The following EPHA5 variants were observed in gnomAD, a reference collection of about 807,000 sequenced individuals.
The protein encoded by EPHA5 is EPH receptor A5, also known as ephrin type-A receptor 5.
EPHA5 carries 60 observed loss-of-function variants against 105.0 expected under a neutral mutation model. The observed-to-expected ratio is 0.57, with a 90% confidence interval of 0.46 to 0.71. The LOEUF (loss-of-function observed/expected upper bound fraction) is 0.71, where lower values mean the gene tolerates loss of function less well. EPHA5 is among the 30% of genes least tolerant of loss of function. The pLI is 0.00. For synonymous variants in EPHA5, 513 were observed against 449.1 expected (o/e 1.14, Z -1.80); for missense variants, 1,218 against 1,274.7 (o/e 0.96, Z 0.68).
In EPHA5 at chr4:65,593,291, G is replaced by A. The variant is rs541225507; in HGVS notation, c.910+8350C>T. ...AGAAATATTTAACTAATGCACAATG[G>A]CTCTAAAAACATTGATACTGTACTA... On this transcript the variant is annotated intron_variant, in intron 3 of 16. Coordinates refer to ENST00000613740, the MANE Select transcript of EPHA5 (RefSeq NM_001281766.3). Among the ~76,000 whole-genome samples, 6 of 152,148 alleles carry A rather than the reference G, an allele frequency of 3.9e-5. No homozygotes were observed. The East Asian group carries it at 5.8e-4, about 15-fold the overall frequency.
chr4:65,533,967 G>T (rs1736063695), intron 3 of EPHA5, among the ~76,000 whole-genome samples: 1 of 151,336 alleles, frequency 6.6e-6, no homozygotes, highest in Non-Finnish European at 1.5e-5. Context: ...AAGAAAGAAA[G>T]AAAGAAAAGA....
At chr4:65,620,328 G>A (rs1745605467) in intron 2 of EPHA5, among the ~76,000 whole-genome samples, 2 of 151,826 alleles carry the variant, frequency 1.3e-5, no homozygotes, top group South Asian at 4.1e-4. Context: ...CAGAATCCTG[G>A]CTCTTGACTT....
At chr4:65,352,967 C>T (rs2148859975) in intron 12 of EPHA5, 75 bp downstream of exon 12, 1 of 1,007,656 alleles carries the variant, frequency 9.9e-7, no homozygotes, top group Non-Finnish European at 1.4e-6. Flanking sequence ...TTCAACATCA[C>T]AGCATCATCA....
chr4:65,559,604 C>A (rs1166569050), intron 3 of EPHA5, among the ~76,000 whole-genome samples: 1 of 152,124 alleles, frequency 6.6e-6, no homozygotes, highest in Admixed American at 6.6e-5. Flanking sequence ...TAAATATTAA[C>A]CAGCAGGCTC....
At chr4:65,365,848 T>C in intron 10 of EPHA5, 84 bp downstream of exon 10, 1 of 1,359,216 alleles carries the variant, frequency 7.4e-7, no homozygotes, top group Non-Finnish European at 1.0e-6. Flanking sequence ...ATTAAAAACA[T>C]TCTCTGTTAC....
intron 3 of EPHA5, among the ~76,000 whole-genome samples, chr4:65,529,840 A>G (rs1299799614): frequency 1.3e-5 from 2 of 152,146 alleles, no homozygotes; most frequent in Non-Finnish European, 2.9e-5. Context: ...ATCCATTCTT[A>G]CAAAGTTCTG....
Position 65,353,503 on chromosome 4 carries a change from T to TAC in EPHA5, c.2174-402_2174-401dup, listed in dbSNP as rs66462845. Among the ~76,000 whole-genome samples, 1,424 of 146,344 alleles carry TAC rather than the reference T, an allele frequency of 9.7e-3. 14 individuals are homozygous for TAC. Among genetic ancestry groups the TAC allele is most frequent in the African/African-American group, 0.027 (1,076 of 40,072 alleles). On this transcript the variant is annotated intron_variant, in intron 11 of 16. Transcript: ENST00000613740. The stretch of plus-strand genomic sequence containing the variant: ...TAATAACAGACTGATATTTAAGATT[T>TAC]ACACACACACACACACACACACACA...
intron 3 of EPHA5, among the ~76,000 whole-genome samples, chr4:65,555,295 T>G (rs749994631): frequency 6.6e-6 from 1 of 152,010 alleles, no homozygotes; most frequent in Non-Finnish European, 1.5e-5. Flanking sequence ...CCGAGGGCTG[T>G]ATTTGGACAC....
At chr4:65,392,581 A>G (rs1451029357) in intron 8 of EPHA5, among the ~76,000 whole-genome samples, 2 of 152,160 alleles carry the variant, frequency 1.3e-5, no homozygotes, top group African/African-American at 2.4e-5. Flanking sequence ...TGGTATAAGC[A>G]TGTCCAGATG....
chr4:65,637,359 C>T (rs369404630), intron 2 of EPHA5, among the ~76,000 whole-genome samples: 11 of 150,268 alleles, frequency 7.3e-5, no homozygotes, highest in African/African-American at 2.7e-4. Flanking sequence ...TGAGGAGTGT[C>T]GGGTAGTAAA....
In EPHA5 at chr4:65,415,053, G is replaced by A. The variant is rs554974940; in HGVS notation, c.1528-610C>T. Among the ~76,000 whole-genome samples the A allele has an allele frequency of 6.6e-5, 10 of 152,286 alleles. 1 individual carries two copies. Among genetic ancestry groups the A allele is most frequent in the Admixed American group, 2.6e-4 (4 of 15,280 alleles). On this transcript the variant is annotated intron_variant, in intron 6 of 16. Transcript: ENST00000613740. ...TTTGAAAATGTCCTGATTTGGAGGGGCTAAGTTAATGGAGATGTACTAGGA... is the reference window on the plus strand; with the variant it reads ...TTTGAAAATGTCCTGATTTGGAGGGACTAAGTTAATGGAGATGTACTAGGA...
At chr4:65,331,827 A>G in intron 16 of EPHA5, 146 bp downstream of exon 16, 1 of 1,370,220 alleles carries the variant, frequency 7.3e-7, no homozygotes, top group Non-Finnish European at 9.4e-7. Context: ...GTTGTTAACA[A>G]TACAGGCTAA....
At chr4:65,331,383 C>A (rs939344269) in intron 16 of EPHA5, 15 of 1,042,344 alleles carry the variant, frequency 1.4e-5, no homozygotes, top group South Asian at 1.4e-4. Flanking sequence ...CTTAAACGTG[C>A]AAACAGAAAA....
intron 15 of EPHA5, 64 bp from the exon 16 acceptor site, chr4:65,332,192 A>C (rs910444715): frequency 7.5e-7 from 1 of 1,340,540 alleles, no homozygotes; most frequent in Non-Finnish European, 1.0e-6. Context: ...AAAGTTTACT[A>C]TAATGTTAAC....
chr4:65,520,117 A>T (rs1307722776), intron 3 of EPHA5, among the ~76,000 whole-genome samples: 1 of 152,192 alleles, frequency 6.6e-6, no homozygotes, highest in Non-Finnish European at 1.5e-5. Flanking sequence ...ACACTATCTG[A>T]CTTCAAATTA....
chr4:65,522,316 G>GTATATATATATATATATATA (rs58851174), intron 3 of EPHA5, among the ~76,000 whole-genome samples: 153 of 142,828 alleles, frequency 1.1e-3, no homozygotes, highest in Non-Finnish European at 1.3e-3. Flanking sequence ...ATATATATAT[G>GTATATATATATATATATATA]TATATATATA....
intron 5 of EPHA5, among the ~76,000 whole-genome samples, chr4:65,473,929 T>TA: frequency 6.7e-6 from 1 of 149,546 alleles, no homozygotes; most frequent in South Asian, 2.1e-4. Flanking sequence ...TTAATATCTA[T>TA]AGCATATTGA....
chr4:65,576,029 AG>A (rs202143374), intron 3 of EPHA5, among the ~76,000 whole-genome samples: 3,939 of 118,684 alleles, frequency 0.033, 160 homozygotes, highest in South Asian at 0.069. Flanking sequence ...AAAGAAAGAA[AG>A]AAAGAAAGAA....
chr4:65,367,419 C>T lies in EPHA5; in HGVS notation c.1799G>A (p.Cys600Tyr), dbSNP rs2148896600. The change falls in exon 9 of 17, where the codon TGT becomes TAT. Residue 600 changes from cysteine to tyrosine, a missense_variant. Cys to Tyr is a radical substitution (Grantham distance 194). Transcript: ENST00000613740. ...ATCTTGTTTTGCTTTGCTGTAGCCA[C>T]ACCGCCTGGAACAAAGTAAGCTAGA... Reference protein sequence around the residue: ...VIGVLLSGRRCGYSKAKQDPE... With the variant: ...VIGVLLSGRRYGYSKAKQDPE... 1 of 1,612,080 alleles carries T rather than the reference C, an allele frequency of 6.2e-7. No individual in the cohort carries two copies. The highest frequency in any genetic ancestry group is 8.5e-7 in the Non-Finnish European group (1 of 1,179,108).
Sources: gnomAD v4.1 joint callset for allele counts (sites outside exome capture counted in the v4.1 genomes callset) on GRCh38, gnomAD v4.1.1 for gene constraint, MANE v1.5 for transcripts, NCBI Gene and HGNC (gene_info 2026-07-23, HGNC 2026-07-21) for gene names.